TJP1: variants seen among roughly 807,000 people sequenced by gnomAD.
TJP1 encodes tight junction protein 1.
TJP1 carries 43 observed loss-of-function variants against 194.2 expected under a neutral mutation model. The ratio of observed to expected loss-of-function variants is 0.22; its 90% confidence interval spans 0.17 to 0.29. The LOEUF (loss-of-function observed/expected upper bound fraction) is 0.29. TJP1 is among the 10% of genes least tolerant of loss of function. TJP1 has a pLI of 1.00. For missense variants in TJP1, 1,971 were observed against 2,185.7 expected (o/e 0.90, Z 1.96); for synonymous variants, 801 against 779.0 (o/e 1.03, Z -0.47).
At chr15:29,771,026 C>T (rs1292512447) in intron 4 of TJP1, among the ~76,000 whole-genome samples, 2 of 152,160 alleles carry the variant, frequency 1.3e-5, no homozygotes, top group African/African-American at 2.4e-5. Flanking sequence ...CCTGCAAGCT[C>T]CATTCATAGT....
intron 1 of TJP1, among the ~76,000 whole-genome samples, chr15:29,960,478 CA>C (rs995002972): frequency 6.6e-6 from 1 of 151,102 alleles, no homozygotes; most frequent in Admixed American, 6.6e-5. Flanking sequence ...ACAAAAAATA[CA>C]AAAAAACTCG....
At chr15:29,916,637 G>C (rs933019229) in intron 2 of TJP1, among the ~76,000 whole-genome samples, 1 of 152,110 alleles carries the variant, frequency 6.6e-6, no homozygotes, top group African/African-American at 2.4e-5. Flanking sequence ...TAGAAGTTTT[G>C]CTCAAGTTGT....
chr15:29,901,869 G>A (rs1190337950), intron 2 of TJP1, among the ~76,000 whole-genome samples: 1 of 149,710 alleles, frequency 6.7e-6, no homozygotes, highest in Non-Finnish European at 1.5e-5. Flanking sequence ...CTCAATTGAT[G>A]ACATGTCTGC....
intron 27 of TJP1, among the ~76,000 whole-genome samples, chr15:29,701,911 GTTCT>G (rs559358581): frequency 5.8e-4 from 89 of 152,150 alleles, no homozygotes; most frequent in Middle Eastern, 6.8e-3. Flanking sequence ...TTTTTAAAAC[GTTCT>G]TTCTAACTCA....
chr15:29,769,931 A>T (rs1441914315), intron 4 of TJP1, among the ~76,000 whole-genome samples: 2 of 152,074 alleles, frequency 1.3e-5, no homozygotes, highest in East Asian at 3.9e-4. Context: ...GTTAACTGAG[A>T]AAACAGCCTC....
chr15:29,889,422 G>A (rs2152153706), intron 2 of TJP1, among the ~76,000 whole-genome samples: 1 of 152,164 alleles, frequency 6.6e-6, no homozygotes, highest in East Asian at 1.9e-4. Context: ...AATCTAATTA[G>A]CTAAAATTAA....
At chr15:29,769,649 C>A (rs931722015) in intron 4 of TJP1, among the ~76,000 whole-genome samples, 8 of 152,096 alleles carry the variant, frequency 5.3e-5, no homozygotes, top group African/African-American at 1.9e-4. Context: ...ACTGCAGGGG[C>A]CCCATAATAT....
intron 5 of TJP1, among the ~76,000 whole-genome samples, chr15:29,763,482 A>G (rs1022184944): frequency 5.3e-5 from 8 of 152,200 alleles, no homozygotes; most frequent in East Asian, 1.9e-4. Flanking sequence ...AAATTACATA[A>G]GAGTAGGCTG....
At chr15:29,813,968 A>G (rs1473583263) in intron 1 of TJP1, among the ~76,000 whole-genome samples, 1 of 152,242 alleles carries the variant, frequency 6.6e-6, no homozygotes, top group African/African-American at 2.4e-5. Context: ...AGTAACAGCT[A>G]GTATAGTGTT....
At chr15:29,832,495 C>A (rs1334767057) in intron 2 of TJP1, among the ~76,000 whole-genome samples, 1 of 152,164 alleles carries the variant, frequency 6.6e-6, no homozygotes, top group Non-Finnish European at 1.5e-5. Flanking sequence ...CAATGACTGA[C>A]TGATACATAA....
At chr15:29,754,884 AAT>A (rs1303830131) in intron 8 of TJP1, among the ~76,000 whole-genome samples, 7 of 152,342 alleles carry the variant, frequency 4.6e-5, no homozygotes, top group Non-Finnish European at 1.0e-4. Flanking sequence ...AAAATTAAGC[AAT>A]ATGTGACAGA....
intron 2 of TJP1, among the ~76,000 whole-genome samples, chr15:29,949,573 A>T (rs1171420175): frequency 1.2e-4 from 1 of 8,172 alleles, no homozygotes; most frequent in African/African-American, 4.1e-4. Context: ...CCACTTCCAC[A>T]ACCACCACCT....
intron 2 of TJP1, among the ~76,000 whole-genome samples, chr15:29,834,132 C>T (rs893797629): frequency 1.3e-5 from 2 of 150,948 alleles, no homozygotes; most frequent in South Asian, 2.1e-4. Flanking sequence ...CGGCCCACCT[C>T]GGCTTCCCAA....
intron 22 of TJP1, 112 bp downstream of exon 22, chr15:29,717,909 C>T: frequency 1.2e-6 from 1 of 828,176 alleles, no homozygotes; most frequent in Non-Finnish European, 1.9e-6. Context: ...TAAGGACAAA[C>T]TCCTCCTATT....
upstream of TJP1, among the ~76,000 whole-genome samples, chr15:29,825,251 T>G (rs547889112): frequency 1.2e-4 from 19 of 152,324 alleles, no homozygotes; most frequent in South Asian, 4.1e-4. Context: ...AAAAGTATTT[T>G]CTGACTTTTA....
At chr15:29,714,160 AG>A in intron 23 of TJP1, among the ~76,000 whole-genome samples, 1 of 152,366 alleles carries the variant, frequency 6.6e-6, no homozygotes, top group African/African-American at 2.4e-5. Context: ...TCTTCTTTCT[AG>A]AAAAACAAAT....
chr15:29,843,989 G>C (rs1356692543), intron 2 of TJP1, among the ~76,000 whole-genome samples: 1 of 152,210 alleles, frequency 6.6e-6, no homozygotes, highest in Admixed American at 6.5e-5. Context: ...TGAAGGGGAG[G>C]AGAGCAAAGA....
At chr15:29,843,962 T>C (rs1284542721) in intron 2 of TJP1, among the ~76,000 whole-genome samples, 1 of 152,180 alleles carries the variant, frequency 6.6e-6, no homozygotes, top group Non-Finnish European at 1.5e-5. Context: ...ATCAGTGGGC[T>C]GAAGCAGAGT....
intron 27 of TJP1, 63 bp from the exon 28 acceptor site, chr15:29,701,752 C>T (rs1364570204): frequency 8.2e-7 from 1 of 1,226,060 alleles, no homozygotes; most frequent in Admixed American, 1.8e-5. Context: ...TAATGCTTTG[C>T]AATTATAGGG....
Sources: gnomAD v4.1 joint callset for allele counts (sites outside exome capture counted in the v4.1 genomes callset) on GRCh38, gnomAD v4.1.1 for gene constraint, MANE v1.5 for transcripts, NCBI Gene and HGNC (gene_info 2026-07-23, HGNC 2026-07-21) for gene names.